Variants in MAP3K3 observed in about 807,000 individuals in gnomAD.
The protein encoded by MAP3K3 is mitogen-activated protein kinase kinase kinase 3, also known as MAP/ERK kinase kinase 3.
In MAP3K3, 12 loss-of-function variants were observed where a neutral mutation model predicts 80.9. The ratio of observed to expected loss-of-function variants is 0.15; its 90% CI spans 0.10 to 0.24. The LOEUF is 0.24. Ranked by LOEUF, MAP3K3 falls within the 10% of genes least tolerant of loss-of-function variation. The pLI is 1.00. For missense variants in MAP3K3, 596 were observed against 834.7 expected, an observed-to-expected ratio of 0.71 and a Z score of 3.52; for synonymous variants, 272 against 307.1, an observed-to-expected ratio of 0.89 and a Z score of 1.19.
At chr17:63,688,076 T>G in intron 8 of MAP3K3, 1 of 219,096 alleles carries the variant, frequency 4.6e-6, no homozygotes. Context: ...TTATGCTATT[T>G]TTATTATATG....
chr17:63,689,976 C>G lies in MAP3K3; in HGVS notation c.1063+241C>G, dbSNP rs118141165. 0.017 allele frequency: 10,153 copies of G among 581,798 alleles called. 122 individuals are homozygous for G. The highest frequency in any genetic ancestry group is 0.024 in the Non-Finnish European group (7,883 of 330,154). The allele number at this position is 581,798 out of a possible 1,614,324, so 36.0% of individuals were successfully genotyped here. A position where few individuals can be genotyped will look rare whatever the true frequency, so the allele number is the denominator to read the frequency against. On this transcript the variant is annotated intron_variant, in intron 11 of 15. Transcript: ENST00000361733. This position sits in a 1 kb window ranked among gnomAD's most constrained non-coding sequence, Gnocchi z 4.3. ...AACTAGGGAAGAGCACACCCTTCAT[C>G]CCTGCCATATTAAGATATTTAGGGG...
chr17:63,655,184 A>G (rs2143371159), intron 4 of MAP3K3, among the ~76,000 whole-genome samples: 1 of 152,268 alleles, frequency 6.6e-6, no homozygotes, highest in Non-Finnish European at 1.5e-5. Flanking sequence ...TGGCGACAGG[A>G]GAGAGAAGGG....
chr17:63,674,129 G>C (rs898714347), intron 6 of MAP3K3, among the ~76,000 whole-genome samples: 1 of 151,662 alleles, frequency 6.6e-6, no homozygotes, highest in Non-Finnish European at 1.5e-5. Context: ...CTCCTGTATG[G>C]TCTAAGTTCA....
rs1471910536 is a variant in MAP3K3, at chr17:63,694,266, A to T, written c.*489A>T. On this transcript the variant is annotated 3_prime_UTR_variant, in exon 16 of 16. Transcript: ENST00000361733. ...CCTGAGGGAAAGGCCAGCACTCGCT[A>T]GCAGTGGCAGGCAGAGGCCCAGGCT... The T allele has an allele frequency of 6.5e-6, 1 of 153,310 alleles. No individual in the cohort carries two copies. Among genetic ancestry groups the T allele is most frequent in the Non-Finnish European group, 1.5e-5 (1 of 68,450 alleles). 9.5% of individuals were successfully genotyped at this position (153,310 alleles called of 1,614,324 possible).
intron 2 of MAP3K3, among the ~76,000 whole-genome samples, chr17:63,643,154 A>G (rs2034478000): frequency 6.6e-6 from 1 of 152,194 alleles, no homozygotes; most frequent in African/African-American, 2.4e-5. Context: ...ATATATCAAT[A>G]TTGATTAATT....
intron 12 of MAP3K3, 100 bp downstream of exon 12, chr17:63,690,512 T>C: frequency 7.7e-7 from 1 of 1,305,906 alleles, no homozygotes. Flanking sequence ...GGTTGCTTCC[T>C]CTGTCATTCT....
At chr17:63,634,310 C>G (rs1300632211) in intron 2 of MAP3K3, among the ~76,000 whole-genome samples, 1 of 152,136 alleles carries the variant, frequency 6.6e-6, no homozygotes, top group Non-Finnish European at 1.5e-5. Flanking sequence ...CTCCAGTTAG[C>G]TGATCTTTCT....
intron 12 of MAP3K3, 181 bp downstream of exon 12, chr17:63,690,593 A>T (rs570575926): frequency 1.5e-6 from 1 of 645,472 alleles, no homozygotes; most frequent in East Asian, 2.9e-5. Flanking sequence ...AAGAGCACCA[A>T]GCACCTGGAG....
intron 2 of MAP3K3, among the ~76,000 whole-genome samples, chr17:63,637,988 G>C (rs1302314225): frequency 1.3e-5 from 2 of 152,132 alleles, no homozygotes; most frequent in Non-Finnish European, 2.9e-5. Context: ...CCCCAGCAGG[G>C]TCAGTGATTG....
At chr17:63,651,895 T>C (rs55673836) in intron 3 of MAP3K3, among the ~76,000 whole-genome samples, 4,126 of 152,268 alleles carry the variant, frequency 0.027, 195 homozygotes, top group African/African-American at 0.094. Context: ...GAGATTCTTA[T>C]GGCATCTCAA....
rs375250733 is a variant in MAP3K3, at chr17:63,646,063, C to T, written c.156C>T (p.Asn52=). The T allele has an allele frequency of 4.0e-5, 64 of 1,613,874 alleles. No homozygotes were observed. Among genetic ancestry groups the T allele is most frequent in the East Asian group, 4.5e-5 (2 of 44,902 alleles). The part of the protein sequence containing the change: ...QSDVRIKFEH[N]GERRIIAFSR... ...ACGTCAGAATCAAGTTCGAGCACAA[C>T]GGGGAGAGGCGGTAAGTCTGCCTTC... Residue 52 remains asparagine (N), a synonymous_variant, in exon 3 of 16, where the codon AAC becomes AAT. Transcript: ENST00000361733.
At chr17:63,673,510 C>T (rs1457561014) in intron 6 of MAP3K3, among the ~76,000 whole-genome samples, 1 of 152,208 alleles carries the variant, frequency 6.6e-6, no homozygotes, top group Non-Finnish European at 1.5e-5. Context: ...AAGACATCCT[C>T]TCTCATACCT....
chr17:63,657,616 A>G (rs765063571), intron 4 of MAP3K3, among the ~76,000 whole-genome samples, 178 bp from the exon 5 acceptor site: 4 of 151,998 alleles, frequency 2.6e-5, no homozygotes, highest in Non-Finnish European at 5.9e-5. Context: ...TGGATTGTAC[A>G]TTTAGAGAAA....
intron 4 of MAP3K3, 50 bp from the exon 5 acceptor site, chr17:63,657,744 G>C (rs1307923541): frequency 6.4e-6 from 5 of 783,348 alleles, no homozygotes; most frequent in Non-Finnish European, 1.1e-5. Flanking sequence ...GAAACATTGA[G>C]ATAAACTTCT....
rs6504173 is a variant in MAP3K3, at chr17:63,657,696, T to C, written c.268-98T>C. 158,405 of 545,268 alleles carry C rather than the reference T, an allele frequency of 0.29. 29,671 individuals are homozygous for C. The highest frequency in any genetic ancestry group is 0.71 in the African/African-American group (37,100 of 52,300). 33.8% of individuals were successfully genotyped at this position (545,268 alleles called of 1,614,324 possible). On this transcript the variant is annotated intron_variant, in intron 4 of 15. Coordinates refer to ENST00000361733, the MANE Select transcript of MAP3K3 (RefSeq NM_002401.5). Reference sequence around the variant, plus strand: ...TCCAGTGAGATTGTTTTCCTCCAAATGTATTTTTATTTTTTGTTTATTTTA... The same window carrying C: ...TCCAGTGAGATTGTTTTCCTCCAAACGTATTTTTATTTTTTGTTTATTTTA...
chr17:63,646,431 A>G (rs1422054385), intron 3 of MAP3K3, among the ~76,000 whole-genome samples: 3 of 152,146 alleles, frequency 2.0e-5, no homozygotes, highest in Non-Finnish European at 4.4e-5. Context: ...GGAGGGCAGG[A>G]TTCTCCTGTG....
At chr17:63,666,083 C>G (rs1220104967) in intron 5 of MAP3K3, among the ~76,000 whole-genome samples, 4 of 152,156 alleles carry the variant, frequency 2.6e-5, no homozygotes, top group African/African-American at 9.7e-5. Flanking sequence ...TAAGCTTTCT[C>G]AGTGCAAAGG....
chr17:63,637,632 A>G (rs1300166434), intron 2 of MAP3K3, among the ~76,000 whole-genome samples: 1 of 152,184 alleles, frequency 6.6e-6, no homozygotes, highest in African/African-American at 2.4e-5. Context: ...TCTAACTACA[A>G]CTGTCCATAG....
In MAP3K3 at chr17:63,690,344, G is replaced by A. The variant is rs901861960; in HGVS notation, c.1144G>A (p.Val382Met). 3 of 1,614,084 alleles carry A rather than the reference G, an allele frequency of 1.9e-6. No homozygotes were observed. The highest frequency in any genetic ancestry group is 1.7e-6 in the Non-Finnish European group (2 of 1,180,040). ...CGGCAGGGTCTATTTGTGCTATGACGTGGACACGGGACGTGAACTTGCTTC... is the reference window on the plus strand; with the variant it reads ...CGGCAGGGTCTATTTGTGCTATGACATGGACACGGGACGTGAACTTGCTTC... ...AFGRVYLCYD[V>M]DTGRELASKQ... is the part of the protein sequence containing the mutation. Residue 382 changes from valine (V) to methionine (M), a missense_variant, in exon 12 of 16, where the codon GTG (valine) becomes ATG (methionine). Physicochemically the swap from Val to Met is conservative, Grantham distance 21. Around this residue, in one of 2 missense-constraint regions of MAP3K3, gnomAD observed 364 missense variants for 588.9 expected, o/e 0.62. Coordinates refer to ENST00000361733, the MANE Select transcript of MAP3K3 (RefSeq NM_002401.5).
Sources: allele counts gnomAD v4.1 joint callset (sites outside exome capture counted in the v4.1 genomes callset), GRCh38; gene constraint gnomAD v4.1.1; regional missense constraint gnomAD v4.1.1; non-coding constraint Gnocchi (gnomAD v3.1); transcripts MANE v1.5; gene names NCBI Gene and HGNC (gene_info 2026-07-23, HGNC 2026-07-21).